TDRD3: variants seen among roughly 807,000 people sequenced by gnomAD.
TDRD3 encodes tudor domain-containing protein 3.
Under a neutral mutation model 86.7 loss-of-function variants are expected in TDRD3, and 45 were observed. The ratio of observed to expected loss-of-function variants is 0.52; its 90% confidence interval spans 0.41 to 0.67. The LOEUF is 0.67. Ranked by LOEUF, TDRD3 falls within the 30% of genes least tolerant of loss-of-function variation. The pLI is 0.00. For synonymous variants in TDRD3, 298 were observed against 301.7 expected (o/e 0.99, Z 0.13); for missense variants, 814 against 889.0 (o/e 0.92, Z 1.07).
intron 5 of TDRD3, among the ~76,000 whole-genome samples, chr13:60,474,434 C>G (rs906661686): frequency 2.6e-5 from 4 of 152,208 alleles, no homozygotes; most frequent in African/African-American, 9.6e-5. Context: ...TTTCTACATA[C>G]TCTCATCTCC....
chr13:60,460,197 C>T (rs538926053), intron 3 of TDRD3, among the ~76,000 whole-genome samples, 183 bp from the exon 4 acceptor site: 1 of 152,156 alleles, frequency 6.6e-6, no homozygotes, highest in African/African-American at 2.4e-5. Context: ...GAAGTTTTCT[C>T]TTTTAATACC....
At chr13:60,477,470 C>T (rs1956210820) in intron 5 of TDRD3, among the ~76,000 whole-genome samples, 1 of 152,064 alleles carries the variant, frequency 6.6e-6, no homozygotes, top group South Asian at 2.1e-4. Context: ...CTTGTTTGGC[C>T]TCCCAAAGTG....
Position 60,483,791 on chromosome 13 carries a change from A to T in TDRD3, c.512A>T (p.Asn171Ile). 6.2e-7 allele frequency: 1 copy of T among 1,612,852 alleles called. No individual in the cohort carries two copies. The highest frequency in any genetic ancestry group is 1.7e-5 in the Admixed American group (1 of 59,862). Reference protein sequence around the residue: ...WELQRSLSKHNRSNIGTEGGP... With the variant: ...WELQRSLSKHIRSNIGTEGGP... ...TTTCCGCAGAGCTTATCAAAACACA[A>T]TAGAAGCAATATTGGAACTGAAGGT... The change falls in exon 6 of 14, where the codon AAT becomes ATT. Residue 171 changes from asparagine (N) to isoleucine (I), a missense_variant. Asn to Ile is a moderately radical substitution (Grantham distance 149, BLOSUM62 -3). Coordinates refer to ENST00000377881, the MANE Select transcript of TDRD3 (RefSeq NM_001146070.2).
chr13:60,567,344 TTTTTCTTTTC>T lies in TDRD3; in HGVS notation c.2119-165_2119-156del, dbSNP rs141427579. ...AAAGAGTTTTAACAGTATCCCTGCC[TTTTTCTTTTC>T]TTTTCTTTTCTTTTCCCTTCCCCTT... On this transcript the variant is annotated intron_variant, in intron 12 of 13. Coordinates refer to ENST00000377881, the MANE Select transcript of TDRD3 (RefSeq NM_001146070.2). 3.3e-5 allele frequency among the ~76,000 whole-genome samples: 5 copies of T among 151,482 alleles called. No individual in the cohort carries two copies. In the East Asian group the frequency reaches 9.7e-4, roughly 29 times the overall value.
chr13:60,477,460 C>T (rs1323613899), intron 5 of TDRD3, among the ~76,000 whole-genome samples: 1 of 152,052 alleles, frequency 6.6e-6, no homozygotes, highest in East Asian at 1.9e-4. Context: ...AGCAATCCTC[C>T]TTGTTTGGCC....
rs763763257 is a variant in TDRD3, at chr13:60,494,422, C to G, written c.718-13C>G. 4.4e-6 allele frequency: 7 copies of G among 1,602,074 alleles called. No homozygotes were observed. Among genetic ancestry groups the G allele is most frequent in the Non-Finnish European group, 6.0e-6 (7 of 1,173,456 alleles). The stretch of plus-strand genomic sequence containing the variant: ...GTCTACATACCTCTCTTTTATCTTT[C>G]TCTTATGTAAAGACCAAGACATTTG... On this transcript the variant is annotated splice_polypyrimidine_tract_variant and intron_variant, in intron 7 of 13. Transcript: ENST00000377881.
intron 8 of TDRD3, among the ~76,000 whole-genome samples, chr13:60,502,648 TCTC>T (rs1956858030): frequency 6.6e-6 from 1 of 152,130 alleles, no homozygotes; most frequent in African/African-American, 2.4e-5. Context: ...TGGGTGATCT[TCTC>T]CTCTAAAGGC....
chr13:60,501,999 G>A (rs946835897), intron 8 of TDRD3, among the ~76,000 whole-genome samples: 34 of 152,184 alleles, frequency 2.2e-4, no homozygotes, highest in African/African-American at 3.1e-4. Context: ...AGGTGGTAAC[G>A]TGTATAACCC....
intron 12 of TDRD3, among the ~76,000 whole-genome samples, chr13:60,554,015 G>T (rs1281618493): frequency 1.3e-5 from 2 of 152,186 alleles, no homozygotes; most frequent in African/African-American, 4.8e-5. Context: ...AAGTTATAAA[G>T]ATTTCAGGTT....
chr13:60,411,756 A>G (rs572311694), intron 1 of TDRD3, among the ~76,000 whole-genome samples: 2 of 152,114 alleles, frequency 1.3e-5, no homozygotes, highest in Non-Finnish European at 2.9e-5. Flanking sequence ...CATTGATATC[A>G]CCTGGTAGCT....
At chr13:60,491,311 G>T (rs992779084) in intron 7 of TDRD3, among the ~76,000 whole-genome samples, 4 of 152,100 alleles carry the variant, frequency 2.6e-5, no homozygotes, top group Non-Finnish European at 5.9e-5. Flanking sequence ...ATGTTTAATA[G>T]ACAGTAAGAC....
intron 3 of TDRD3, among the ~76,000 whole-genome samples, chr13:60,448,338 A>C (rs1233439286): frequency 6.6e-6 from 1 of 152,202 alleles, no homozygotes; most frequent in Non-Finnish European, 1.5e-5. Flanking sequence ...CTGAAGTCTT[A>C]ATAATTGCTA....
intron 5 of TDRD3, among the ~76,000 whole-genome samples, chr13:60,478,291 ATTTTTTT>A (rs34449105): frequency 5.4e-5 from 4 of 74,300 alleles, no homozygotes; most frequent in South Asian, 4.5e-4. Context: ...CAGTCTACCA[ATTTTTTT>A]TTTTTTTTTT....
chr13:60,432,338 T>G (rs914877590), intron 1 of TDRD3, among the ~76,000 whole-genome samples: 4 of 152,156 alleles, frequency 2.6e-5, no homozygotes, highest in African/African-American at 9.6e-5. Flanking sequence ...ACAGGTTATC[T>G]GAAGAAAATC....
intron 1 of TDRD3, among the ~76,000 whole-genome samples, chr13:60,424,773 C>G (rs1954760243): frequency 6.6e-6 from 1 of 152,318 alleles, no homozygotes; most frequent in East Asian, 1.9e-4. Context: ...GAACATTTAA[C>G]CCGATATGCA....
chr13:60,464,065 A>C (rs1011129669), intron 4 of TDRD3, among the ~76,000 whole-genome samples: 1 of 152,108 alleles, frequency 6.6e-6, no homozygotes, highest in South Asian at 2.1e-4. Context: ...TGCTCTTTTC[A>C]TGTGATCTGC....
chr13:60,525,004 T>A (rs1957379932), intron 10 of TDRD3, among the ~76,000 whole-genome samples: 2 of 140,996 alleles, frequency 1.4e-5, no homozygotes, highest in East Asian at 4.3e-4. Flanking sequence ...GGAGAATCAC[T>A]TGAACCCGGG....
intron 4 of TDRD3, among the ~76,000 whole-genome samples, chr13:60,465,463 C>T (rs1005165074): frequency 6.6e-6 from 1 of 152,090 alleles, no homozygotes; most frequent in Non-Finnish European, 1.5e-5. Flanking sequence ...TTAGGTAAGG[C>T]TGTTCATGAC....
At chr13:60,521,826 G>A (rs1957292436) in intron 10 of TDRD3, among the ~76,000 whole-genome samples, 1 of 152,156 alleles carries the variant, frequency 6.6e-6, no homozygotes, top group African/African-American at 2.4e-5. Flanking sequence ...GAACCCGGGA[G>A]GTGGAGGTTG....
Sources: gnomAD v4.1 joint callset for allele counts (sites outside exome capture counted in the v4.1 genomes callset) on GRCh38, gnomAD v4.1.1 for gene constraint, MANE v1.5 for transcripts, NCBI Gene and HGNC (gene_info 2026-07-23, HGNC 2026-07-21) for gene names.